NRXN2: variants seen among roughly 807,000 people sequenced by gnomAD.
NRXN2 encodes neurexin-2-beta.
Under a neutral mutation model 128.8 loss-of-function variants are expected in NRXN2, and 29 were observed. That is an observed-to-expected ratio of 0.23 (90% confidence interval 0.17 to 0.31). The LOEUF is 0.31. Among genes scored for constraint, NRXN2 ranks in the 10% least tolerant of loss-of-function variants. The pLI is 1.00. For missense variants in NRXN2, 1,881 were observed against 2,452.6 expected (o/e 0.77, Z 4.92); for synonymous variants, 1,098 against 1,075.2 (o/e 1.02, Z -0.41).
chr11:64,694,222 C>G (rs921178638), intron 3 of NRXN2, among the ~76,000 whole-genome samples: 8 of 152,336 alleles, frequency 5.3e-5, no homozygotes, highest in Non-Finnish European at 1.2e-4. Context: ...CCTGTGGTGT[C>G]TGGCCAAGAG....
At chr11:64,620,213 G>C (rs1257658708) in intron 22 of NRXN2, 81 bp downstream of exon 22, 1 of 1,153,350 alleles carries the variant, frequency 8.7e-7, no homozygotes, top group Admixed American at 2.0e-5. Context: ...TGGGGCTTGG[G>C]CCAGGTGGCA....
In NRXN2 at chr11:64,648,335, G is replaced by A; in HGVS notation, c.3287C>T (p.Pro1096Leu). Residue 1096 changes from proline to leucine, a missense_variant, in exon 17 of 23, where the codon CCC (proline) becomes CTC (leucine). Pro to Leu is a moderately conservative substitution (Grantham distance 98, BLOSUM62 -3). Around this residue, in one of 7 missense-constraint regions of NRXN2, gnomAD observed 390 missense variants for 599.6 expected, o/e 0.65. Transcript: ENST00000265459. The surrounding 1 kb of genome is among the most constrained non-coding windows in gnomAD (Gnocchi z 4.1). ...GGACTCTTCAGTGCAGGTGGTGCTG[G>A]GGCCTGGAAGGGGCAGGAGAAAGGA... ...IGQVERGCDG[P>L]STTCTEESCA... The A allele has an allele frequency of 6.2e-7, 1 of 1,614,212 alleles. No homozygotes were observed. Among genetic ancestry groups the A allele is most frequent in the Non-Finnish European group, 8.5e-7 (1 of 1,180,042 alleles).
intron 17 of NRXN2, among the ~76,000 whole-genome samples, chr11:64,645,484 AAGAC>A (rs1166973642): frequency 6.6e-6 from 1 of 151,978 alleles, no homozygotes; most frequent in African/African-American, 2.4e-5. Context: ...CAGGCTCTGA[AAGAC>A]AGAGGAGTAA....
At position 64,622,940 on chromosome 11, in the gene NRXN2, G is replaced by T; in HGVS notation, c.3986C>A (p.Pro1329His). ...CAGGTGACCCTCAGTCCGCACATTG[G>T]GGTCGCTCTCGGCGGCCAGCGCCAG... ...KVLALAAESD[P>H]NVRTEGHLRL... Residue 1329 changes from proline to histidine, a missense_variant, in exon 21 of 23, where the codon CCC (proline) becomes CAC (histidine). By Grantham distance (77) the Pro-to-His change is moderately conservative (BLOSUM62 -2). Around this residue, in one of 7 missense-constraint regions of NRXN2, gnomAD observed 108 missense variants for 165.2 expected, o/e 0.65. Transcript: ENST00000265459. The surrounding 1 kb of genome is among the most constrained non-coding windows in gnomAD (Gnocchi z 4.3). 3.1e-6 allele frequency: 5 copies of T among 1,613,312 alleles called. No homozygotes were observed. The highest frequency in any genetic ancestry group is 4.2e-6 in the Non-Finnish European group (5 of 1,179,802).
chr11:64,651,991 G>T lies in NRXN2; in HGVS notation c.2536+44C>A, dbSNP rs1467649398. The T allele has an allele frequency of 1.2e-6, 2 of 1,605,186 alleles. No homozygotes were observed. Among genetic ancestry groups the T allele is most frequent in the Admixed American group, 1.7e-5 (1 of 60,028 alleles). On this transcript the variant is annotated intron_variant, in intron 13 of 22. Coordinates refer to ENST00000265459, the MANE Select transcript of NRXN2 (RefSeq NM_015080.4). The surrounding 1 kb of genome is among the most constrained non-coding windows in gnomAD (Gnocchi z 5.9). Reference sequence around the variant, plus strand: ...ACCAAGTAGAACAGGGCCAAGCATAGGTCACTGGAGATGTGTCCACCTCCC... The same window carrying T: ...ACCAAGTAGAACAGGGCCAAGCATATGTCACTGGAGATGTGTCCACCTCCC...
At chr11:64,659,711 A>T (rs559207345) in intron 11 of NRXN2, 12 of 156,726 alleles carry the variant, frequency 7.7e-5, no homozygotes, top group Admixed American at 6.6e-4. Flanking sequence ...TTGTTTGGTG[A>T]TCTAGTGTCT....
chr11:64,670,090 T>A (rs759922788), intron 7 of NRXN2, among the ~76,000 whole-genome samples: 1 of 151,940 alleles, frequency 6.6e-6, no homozygotes, highest in Non-Finnish European at 1.5e-5. Flanking sequence ...CTTCCTGCCC[T>A]CCCAGGACCC....
Position 64,713,039 on chromosome 11 carries a change from C to A in NRXN2, c.661G>T (p.Val221Leu), listed in dbSNP as rs765923753. 6.9e-7 allele frequency: 1 copy of A among 1,447,086 alleles called. No homozygotes were observed. The highest frequency in any genetic ancestry group is 1.4e-5 in the South Asian group (1 of 72,738). 89.6% of individuals were successfully genotyped at this position (1,447,086 alleles called of 1,614,324 possible). A position where few individuals can be genotyped will look rare whatever the true frequency, so the allele number is the denominator to read the frequency against. ...CAGCCCACCTCGCCGGGGGCCAGCA[C>A]GGTGCAGAGGCCGCCGTTGGCGCAG... Reference protein sequence around the residue: ...NPCANGGLCTVLAPGEVGCDC... With the variant: ...NPCANGGLCTLLAPGEVGCDC... The change falls in exon 2 of 23, where the codon GTG (valine) becomes TTG (leucine). Residue 221 changes from valine to leucine, a missense_variant. By Grantham distance (32) the Val-to-Leu change is conservative (BLOSUM62 1). Around this residue, in one of 7 missense-constraint regions of NRXN2, gnomAD observed 997 missense variants for 1,240.8 expected, o/e 0.80. Transcript: ENST00000265459.
rs773712007 is a variant in NRXN2, at chr11:64,652,063, C to T, written c.2508G>A (p.Gln836=). The T allele has an allele frequency of 2.5e-6, 4 of 1,613,230 alleles. No homozygotes were observed. In the South Asian group the frequency reaches 4.4e-5, roughly 18 times the overall value. Reference sequence around the variant, plus strand: ...CCACAGTCACGTTGTCCACAGACAGCTGCAGGCTCTTGCCACGCCGGACCA... The same window carrying T: ...CCACAGTCACGTTGTCCACAGACAGTTGCAGGCTCTTGCCACGCCGGACCA... ...VRVVRRGKSL[Q]LSVDNVTVEG... Residue 836 remains glutamine, a synonymous_variant, in exon 13 of 23, where the codon CAG becomes CAA. Transcript: ENST00000265459.
rs1442739210 is a variant in NRXN2, at chr11:64,620,275, A to AG, written c.4252+18dup. On this transcript the variant is annotated intron_variant, in intron 22 of 22. Transcript: ENST00000265459. Reference sequence around the variant, plus strand: ...ATCGCAGAGGGACCCGGGGCAGGGGAGGGGGGAAAGGCACTCACCAGTACT... The same window carrying AG: ...ATCGCAGAGGGACCCGGGGCAGGGGAGGGGGGGAAAGGCACTCACCAGTACT... 1.9e-6 allele frequency: 3 copies of AG among 1,542,498 alleles called. No individual in the cohort carries two copies. Among genetic ancestry groups the AG allele is most frequent in the Non-Finnish European group, 2.6e-6 (3 of 1,139,642 alleles).
At chr11:64,610,039 C>T (rs2040377439) in intron 22 of NRXN2, among the ~76,000 whole-genome samples, 1 of 148,740 alleles carries the variant, frequency 6.7e-6, no homozygotes, top group Non-Finnish European at 1.5e-5. Flanking sequence ...GCCCTGAGTT[C>T]AAACACTGTT....
At position 64,632,521 on chromosome 11, in the gene NRXN2, A is replaced by G. The variant is rs2044065881; in HGVS notation, c.3586-1948T>C. On this transcript the variant is annotated intron_variant, in intron 18 of 22. Transcript: ENST00000265459. The surrounding 1 kb of genome is among the most constrained non-coding windows in gnomAD (Gnocchi z 4.2). Reference sequence around the variant, plus strand: ...TAATAATACCACCCAGAATAGTATCAGCTCCCTGGATTCCTCTGAGGATTT... The same window carrying G: ...TAATAATACCACCCAGAATAGTATCGGCTCCCTGGATTCCTCTGAGGATTT... Among the ~76,000 whole-genome samples the G allele has an allele frequency of 6.6e-6, 1 of 152,152 alleles. No individual in the cohort carries two copies. Among genetic ancestry groups the G allele is most frequent in the African/African-American group, 2.4e-5 (1 of 41,434 alleles).
At chr11:64,683,619 C>CAAAAAAAAAA (rs146075955) in intron 6 of NRXN2, among the ~76,000 whole-genome samples, 1 of 75,676 alleles carries the variant, frequency 1.3e-5, no homozygotes. Flanking sequence ...GACTCCATCT[C>CAAAAAAAAAA]AAAAAAAAAA....
chr11:64,627,314 G>A (rs1037046111), intron 19 of NRXN2, among the ~76,000 whole-genome samples: 1 of 151,792 alleles, frequency 6.6e-6, no homozygotes. Context: ...CCTGGTGTGG[G>A]AGCTGGATCA....
At chr11:64,688,605 G>T in intron 5 of NRXN2, 5 of 985,348 alleles carry the variant, frequency 5.1e-6, no homozygotes, top group Non-Finnish European at 6.0e-6. Context: ...GGTCTGGCGC[G>T]ACTGGGAACT....
intron 5 of NRXN2, among the ~76,000 whole-genome samples, chr11:64,689,153 T>G (rs1308620354): frequency 2.0e-5 from 3 of 151,488 alleles, no homozygotes; most frequent in Admixed American, 2.0e-4. Context: ...TCCTCAACCA[T>G]AAAGCATCCC....
chr11:64,702,032 G>A (rs1189290199), intron 2 of NRXN2, among the ~76,000 whole-genome samples: 1 of 148,506 alleles, frequency 6.7e-6, no homozygotes, highest in African/African-American at 2.5e-5. Flanking sequence ...CTGGCCAGCC[G>A]CCCCGTCCGG....
intron 7 of NRXN2, among the ~76,000 whole-genome samples, chr11:64,671,900 A>G (rs930685230): frequency 5.9e-5 from 9 of 152,000 alleles, no homozygotes; most frequent in Admixed American, 5.9e-4. Flanking sequence ...ACCCCGAGAC[A>G]CACCTGCGTA....
chr11:64,693,371 G>A (rs533141207), intron 3 of NRXN2, among the ~76,000 whole-genome samples: 70 of 149,616 alleles, frequency 4.7e-4, no homozygotes, highest in African/African-American at 1.7e-3. Flanking sequence ...CGAGAAAAAC[G>A]ATTCAGATGG....
Sources: gnomAD v4.1 joint callset for allele counts (sites outside exome capture counted in the v4.1 genomes callset) on GRCh38, gnomAD v4.1.1 for gene constraint, gnomAD v4.1.1 regional missense constraint, Gnocchi (gnomAD v3.1) non-coding constraint, MANE v1.5 for transcripts, NCBI Gene and HGNC (gene_info 2026-07-23, HGNC 2026-07-21) for gene names.